ADAMTSL1: variants seen among roughly 807,000 people sequenced by gnomAD.
ADAMTSL1 encodes the protein ADAMTS like 1, also known as ADAMTS-like protein 1.
Under a neutral mutation model 201.8 loss-of-function variants are expected in ADAMTSL1, and 126 were observed. The observed-to-expected ratio is 0.62, with a 90% CI of 0.54 to 0.72. The LOEUF (loss-of-function observed/expected upper bound fraction) is 0.72, where lower values mean the gene tolerates loss of function less well. ADAMTSL1 is among the 30% of genes least tolerant of loss of function. The pLI, the probability that ADAMTSL1 is intolerant of heterozygous loss-of-function variation, is 0.00. For synonymous variants in ADAMTSL1, 1,121 were observed against 903.4 expected (o/e 1.24, Z -4.32); for missense variants, 2,679 against 2,277.8 (o/e 1.18, Z -3.59).
chr9:18,133,456 T>A (rs1213670253), intron 1 of ADAMTSL1, among the ~76,000 whole-genome samples: 1 of 152,170 alleles, frequency 6.6e-6, no homozygotes, highest in Admixed American at 6.5e-5. Flanking sequence ...TCATTGAATC[T>A]CATATATTAT....
At chr9:18,644,531 T>A (rs13284579) in intron 7 of ADAMTSL1, among the ~76,000 whole-genome samples, 10 of 150,548 alleles carry the variant, frequency 6.6e-5, no homozygotes, top group Middle Eastern at 3.4e-3. Context: ...ATGCTATCCC[T>A]CCCCCCTACC....
intron 27 of ADAMTSL1, 84 bp from the exon 28 acceptor site, chr9:18,906,608 C>T (rs536422540): frequency 1.7e-6 from 2 of 1,149,850 alleles, no homozygotes; most frequent in African/African-American, 3.1e-5. Flanking sequence ...CCTAACATTT[C>T]TGAGTTTGCA....
At chr9:18,058,931 T>C (rs1822321114) in intron 1 of ADAMTSL1, among the ~76,000 whole-genome samples, 1 of 152,238 alleles carries the variant, frequency 6.6e-6, no homozygotes, top group South Asian at 2.1e-4. Context: ...CCTGCAGTAC[T>C]TGGAAATTTC....
chr9:18,392,215 C>A (rs1449556385), intron 2 of ADAMTSL1, among the ~76,000 whole-genome samples: 1 of 152,008 alleles, frequency 6.6e-6, no homozygotes, highest in Non-Finnish European at 1.5e-5. Context: ...TAATAAGGGT[C>A]CTACTACTTT....
At chr9:17,992,296 C>A (rs1248116646) in intron 1 of ADAMTSL1, among the ~76,000 whole-genome samples, 1 of 152,176 alleles carries the variant, frequency 6.6e-6, no homozygotes, top group Non-Finnish European at 1.5e-5. Flanking sequence ...GCAGCTGGTG[C>A]ATTACCTGCA....
At chr9:18,363,930 G>A (rs920676820) in intron 2 of ADAMTSL1, among the ~76,000 whole-genome samples, 5 of 67,124 alleles carry the variant, frequency 7.4e-5, no homozygotes, top group African/African-American at 2.1e-4. Context: ...AGAAATAGAG[G>A]AAGGAACATA....
At chr9:18,466,663 A>G (rs889112586) in intron 2 of ADAMTSL1, among the ~76,000 whole-genome samples, 1 of 152,154 alleles carries the variant, frequency 6.6e-6, no homozygotes, top group South Asian at 2.1e-4. Context: ...AAAATGAACT[A>G]TACTACAAAT....
At chr9:17,922,700 A>C (rs1304858260) in intron 1 of ADAMTSL1, among the ~76,000 whole-genome samples, 2 of 146,388 alleles carry the variant, frequency 1.4e-5, no homozygotes, top group Non-Finnish European at 3.0e-5. Context: ...GGTGGGAGTG[A>C]ACCACGCATC....
chr9:18,277,036 A>G (rs1163130656), intron 2 of ADAMTSL1, among the ~76,000 whole-genome samples: 3 of 152,128 alleles, frequency 2.0e-5, no homozygotes, highest in East Asian at 1.9e-4. Flanking sequence ...TTTGATTTCA[A>G]TGTATTTGTG....
intron 2 of ADAMTSL1, among the ~76,000 whole-genome samples, chr9:18,406,046 T>C (rs1056678492): frequency 6.6e-6 from 1 of 152,238 alleles, no homozygotes; most frequent in Non-Finnish European, 1.5e-5. Flanking sequence ...CAGATACCCA[T>C]GATTAAATTG....
At chr9:18,261,178 G>A (rs1587418726) in intron 2 of ADAMTSL1, among the ~76,000 whole-genome samples, 2 of 151,942 alleles carry the variant, frequency 1.3e-5, no homozygotes, top group East Asian at 3.9e-4. Flanking sequence ...GTAGGGTGAA[G>A]CCCATTTCTG....
At chr9:18,073,430 C>G (rs917702940) in intron 1 of ADAMTSL1, among the ~76,000 whole-genome samples, 4 of 152,112 alleles carry the variant, frequency 2.6e-5, no homozygotes, top group African/African-American at 9.7e-5. Context: ...AAGAAGATAT[C>G]TAAAGGGGGC....
chr9:18,465,736 T>TTTTCG (rs1554683722), intron 2 of ADAMTSL1, among the ~76,000 whole-genome samples: 4 of 150,826 alleles, frequency 2.7e-5, no homozygotes, highest in Admixed American at 2.0e-4. Flanking sequence ...CACAGGTATC[T>TTTTCG]TTTTGTTTTG....
At chr9:18,503,141 TC>T (rs971876208) in intron 1 of ADAMTSL1, among the ~76,000 whole-genome samples, 17 of 151,912 alleles carry the variant, frequency 1.1e-4, no homozygotes, top group Admixed American at 1.0e-3. Context: ...ATCACTACCA[TC>T]CATCTCCAGA....
intron 26 of ADAMTSL1, 79 bp downstream of exon 26, chr9:18,892,675 T>TCACTGC (rs1226252271): frequency 6.9e-7 from 1 of 1,447,020 alleles, no homozygotes; most frequent in Non-Finnish European, 9.3e-7. Context: ...TGAAATGCTA[T>TCACTGC]CACTGCCACT....
At position 18,892,478 on chromosome 9, in the gene ADAMTSL1, C is replaced by G; in HGVS notation, c.4733C>G (p.Ser1578Cys). ...GTGACCTGTCAAAAGCTGAAAGCCTCTGGGATCTCCACCCCTGTGTCCAAT... is the reference window on the plus strand; with the variant it reads ...GTGACCTGTCAAAAGCTGAAAGCCTGTGGGATCTCCACCCCTGTGTCCAAT... ...RRVTCQKLKA[S>C]GISTPVSNDM... Residue 1578 changes from serine (S) to cysteine (C), a missense_variant, in exon 26 of 29, where the codon TCT becomes TGT. Transcript: ENST00000380548. 6.2e-7 allele frequency: 1 copy of G among 1,612,120 alleles called. No individual in the cohort carries two copies. Among genetic ancestry groups the G allele is most frequent in the South Asian group, 1.1e-5 (1 of 90,322 alleles).
rs147881218 is a variant in ADAMTSL1 at position 18,077,830 on chromosome 9, A to G, written c.88-86032A>G. The stretch of plus-strand genomic sequence containing the variant: ...AGGAGAAGGGGCTAATCGGAGGAAG[A>G]TGAGAGAGATGGAGAGGGGCTAGCC... On this transcript the variant is annotated intron_variant, in intron 1 of 29. Coordinates refer to the ADAMTSL1 transcript ENST00000680146. 1.3e-3 allele frequency among the ~76,000 whole-genome samples: 199 copies of G among 152,276 alleles called. 1 individual carries two copies. The highest frequency in any genetic ancestry group is 4.3e-3 in the African/African-American group (177 of 41,564).
intron 1 of ADAMTSL1, among the ~76,000 whole-genome samples, chr9:18,103,038 A>AT (rs1282376416): frequency 6.6e-6 from 1 of 152,166 alleles, no homozygotes; most frequent in African/African-American, 2.4e-5. Flanking sequence ...GTGGGTTCTT[A>AT]TGCCACTTTT....
chr9:18,033,946 T>C (rs10810890), intron 1 of ADAMTSL1, among the ~76,000 whole-genome samples: 6,154 of 152,278 alleles, frequency 0.04, 417 homozygotes, highest in East Asian at 0.36. Flanking sequence ...CTAACAAGTT[T>C]TGTCTCTGTT....
Sources: allele counts gnomAD v4.1 joint callset (sites outside exome capture counted in the v4.1 genomes callset), GRCh38; gene constraint gnomAD v4.1.1; transcripts MANE v1.5; gene names NCBI Gene and HGNC (gene_info 2026-07-23, HGNC 2026-07-21).